The following SNAP47 variants were observed in gnomAD, a reference collection of about 807,000 sequenced individuals.
The protein encoded by SNAP47 is synaptosome associated protein 47.
Under a neutral mutation model 31.4 loss-of-function variants are expected in SNAP47, and 20 were observed. That is an observed-to-expected ratio of 0.64 (90% CI 0.45 to 0.93). The LOEUF (loss-of-function observed/expected upper bound fraction) is 0.93. Among genes scored for constraint, SNAP47 ranks in the 40% least tolerant of loss-of-function variants. The pLI, the probability that SNAP47 is intolerant of heterozygous loss-of-function variation, is 0.00. For synonymous variants in SNAP47, 194 were observed against 213.4 expected (o/e 0.91, Z 0.79); for missense variants, 492 against 528.5 (o/e 0.93, Z 0.68).
chr1:227,765,902 G>A (rs1046969585), intron 3 of SNAP47, among the ~76,000 whole-genome samples: 8 of 152,268 alleles, frequency 5.3e-5, no homozygotes, highest in South Asian at 2.1e-4. Flanking sequence ...ATAGGCTGGC[G>A]GGGGTGGCAT....
intron 2 of SNAP47, among the ~76,000 whole-genome samples, chr1:227,758,629 C>T (rs974810860): frequency 6.6e-6 from 1 of 152,200 alleles, no homozygotes; most frequent in African/African-American, 2.4e-5. Context: ...TCCATCACTG[C>T]AGAAAGGTCT....
chr1:227,777,162 A>T, intron 4 of SNAP47: 1 of 801,006 alleles, frequency 1.2e-6, no homozygotes, highest in Non-Finnish European at 1.5e-6. Flanking sequence ...GATGTCATAG[A>T]CAATATTTTT....
intron 2 of SNAP47, among the ~76,000 whole-genome samples, chr1:227,750,015 C>G (rs1662245041): frequency 1.3e-5 from 2 of 152,260 alleles, no homozygotes; most frequent in Admixed American, 1.3e-4. Context: ...CCCTGGAATC[C>G]CGCCTTGGCA....
chr1:227,750,581 C>T (rs924093336), intron 2 of SNAP47, among the ~76,000 whole-genome samples: 1 of 152,318 alleles, frequency 6.6e-6, no homozygotes, highest in East Asian at 1.9e-4. Flanking sequence ...CTGGAGCCCT[C>T]CCCATGGTGC....
intron 1 of SNAP47, among the ~76,000 whole-genome samples, chr1:227,747,361 G>A (rs554566604): frequency 1.0e-3 from 157 of 152,312 alleles, no homozygotes; most frequent in Middle Eastern, 0.01. Flanking sequence ...TCCAGCAGTG[G>A]ACACTGATCC....
chr1:227,777,207 G>A (rs757236092), intron 4 of SNAP47: 36 of 592,122 alleles, frequency 6.1e-5, no homozygotes, highest in Non-Finnish European at 7.6e-5. Context: ...CATGGGTTAC[G>A]TAGTGAAGTT....
chr1:227,776,226 T>A (rs937182616), intron 4 of SNAP47: 2 of 1,074,494 alleles, frequency 1.9e-6, no homozygotes, highest in African/African-American at 1.6e-5. Context: ...CAGCTTCTCT[T>A]AGGAACACTT....
chr1:227,761,649 G>A (rs924021387), intron 3 of SNAP47, among the ~76,000 whole-genome samples: 3 of 152,184 alleles, frequency 2.0e-5, no homozygotes, highest in African/African-American at 7.2e-5. Flanking sequence ...GCGTACTCCT[G>A]CACGTGGCTT....
Position 227,747,782 on chromosome 1 carries a change from C to G in SNAP47, c.46C>G (p.Leu16Val). 6.2e-7 allele frequency: 1 copy of G among 1,614,188 alleles called. No homozygotes were observed. Among genetic ancestry groups the G allele is most frequent in the Non-Finnish European group, 8.5e-7 (1 of 1,180,034 alleles). ...CCACACCTGGCCGTGCACCTACTAC[C>G]TGGAGCCCAAGAGGCGATGGGTTAC... ...CIHTWPCTYY[L>V]EPKRRWVTGQ... Residue 16 changes from leucine to valine, a missense_variant, in exon 2 of 5, where the codon CTG (leucine) becomes GTG (valine). Leu to Val is a conservative substitution (Grantham distance 32, BLOSUM62 1). Coordinates refer to ENST00000617596, the MANE Select transcript of SNAP47 (RefSeq NM_053052.4).
intron 1 of SNAP47, chr1:227,745,899 C>T (rs1412824421): frequency 3.9e-5 from 6 of 152,272 alleles, no homozygotes; most frequent in Non-Finnish European, 7.3e-5. Context: ...CAGTCTGGGC[C>T]AAAGCTGCCA....
In SNAP47 at chr1:227,747,702, G is replaced by A; in HGVS notation, c.-35G>A. ...TCTCTTCTCCTTCAGAGGCAGAAGA[G>A]GCCTGGACCTTGGCGCACACAGACC... On this transcript the variant is annotated 5_prime_UTR_variant, in exon 2 of 5. Coordinates refer to ENST00000617596, the MANE Select transcript of SNAP47 (RefSeq NM_053052.4). 6.3e-7 allele frequency: 1 copy of A among 1,599,986 alleles called. No individual in the cohort carries two copies. Among genetic ancestry groups the A allele is most frequent in the Non-Finnish European group, 8.5e-7 (1 of 1,169,802 alleles).
chr1:227,729,426 A>G (rs903166924), intron 1 of SNAP47, among the ~76,000 whole-genome samples: 15 of 152,130 alleles, frequency 9.9e-5, no homozygotes, highest in Non-Finnish European at 1.9e-4. Flanking sequence ...TGGTAGTTGC[A>G]GTTCTGTGGG....
At chr1:227,734,642 C>T (rs915505741), upstream of SNAP47, 5 of 1,613,546 alleles carry the variant, frequency 3.1e-6, no homozygotes, top group South Asian at 1.1e-5. Context: ...GCGTCCCAAG[C>T]CCCATTACCT....
At chr1:227,736,904 GTCC>G (rs1482309331) in intron 1 of SNAP47, among the ~76,000 whole-genome samples, 6 of 152,206 alleles carry the variant, frequency 3.9e-5, no homozygotes, top group Admixed American at 3.9e-4. Context: ...GAAAAGGGAT[GTCC>G]TCCCTAGGTA....
intron 4 of SNAP47, among the ~76,000 whole-genome samples, chr1:227,771,480 A>G (rs1353405960): frequency 6.6e-6 from 1 of 152,124 alleles, no homozygotes; most frequent in Admixed American, 6.6e-5. Context: ...GCCCTGGACC[A>G]GGTGTGGGGG....
chr1:227,751,832 C>T (rs1662390873), intron 2 of SNAP47, among the ~76,000 whole-genome samples: 1 of 131,862 alleles, frequency 7.6e-6, no homozygotes, highest in Admixed American at 8.8e-5. Flanking sequence ...GGCGCGATCT[C>T]TGCTCACTGC....
intron 2 of SNAP47, among the ~76,000 whole-genome samples, chr1:227,756,375 T>G (rs989727440): frequency 2.6e-5 from 4 of 152,244 alleles, no homozygotes; most frequent in Non-Finnish European, 5.9e-5. Flanking sequence ...CTTTCAGTTT[T>G]GAGATTCCTA....
intron 4 of SNAP47, among the ~76,000 whole-genome samples, chr1:227,779,795 C>T (rs1229799616): frequency 2.0e-5 from 3 of 152,158 alleles, no homozygotes; most frequent in Non-Finnish European, 4.4e-5. Context: ...TAGCTCATCG[C>T]CCCTGCTGCA....
chr1:227,734,082 G>A (rs1278860130), upstream of SNAP47: 18 of 1,588,350 alleles, frequency 1.1e-5, no homozygotes, highest in Non-Finnish European at 1.5e-5. Flanking sequence ...GGCACGAGGA[G>A]ACTAGGGCAG....
Sources: gnomAD v4.1 joint callset for allele counts (sites outside exome capture counted in the v4.1 genomes callset) on GRCh38, gnomAD v4.1.1 for gene constraint, MANE v1.5 for transcripts, NCBI Gene and HGNC (gene_info 2026-07-23, HGNC 2026-07-21) for gene names.